Variants in SATB2 observed in about 807,000 individuals in gnomAD.
The protein encoded by SATB2 is SATB homeobox 2.
In SATB2, 1 loss-of-function variant was observed where a neutral mutation model predicts 73.4. The observed-to-expected ratio is 0.01, with a 90% CI of 0.00 to 0.06. The LOEUF is 0.06. SATB2 is among the 10% of genes least tolerant of loss of function. The pLI is 1.00. For missense variants in SATB2, 459 were observed against 945.8 expected, an observed-to-expected ratio of 0.49 and a Z score of 6.75; for synonymous variants, 397 against 367.0, an observed-to-expected ratio of 1.08 and a Z score of -0.93.
chr2:199,385,250 T>C (rs1331769824), intron 3 of SATB2, among the ~76,000 whole-genome samples: 1 of 152,156 alleles, frequency 6.6e-6, no homozygotes, highest in Non-Finnish European at 1.5e-5. Context: ...GCCTCCCACA[T>C]CAGCCTCCCA....
Position 199,272,193 on chromosome 2 carries a change from G to A in SATB2, c.*18C>T. 1 of 1,605,014 alleles carries A rather than the reference G, an allele frequency of 6.2e-7. No homozygotes were observed. ...AATCCTTGGACCGATGTATTGCTTTGCCTAGTAGAAGTTCACATTATCTCT... is the reference window on the plus strand; with the variant it reads ...AATCCTTGGACCGATGTATTGCTTTACCTAGTAGAAGTTCACATTATCTCT... On this transcript the variant is annotated 3_prime_UTR_variant, in exon 11 of 11. Coordinates refer to ENST00000417098, the MANE Select transcript of SATB2 (RefSeq NM_001172509.2). The surrounding 1 kb of genome is among the most constrained non-coding windows in gnomAD (Gnocchi z 6.7).
intron 3 of SATB2, among the ~76,000 whole-genome samples, chr2:199,418,254 A>G (rs558107747): frequency 6.6e-6 from 1 of 152,310 alleles, no homozygotes; most frequent in East Asian, 1.9e-4. Flanking sequence ...GGGAGCACCA[A>G]GATGAAAGGC....
intron 10 of SATB2, among the ~76,000 whole-genome samples, chr2:199,298,675 T>C (rs1687189826): frequency 6.6e-6 from 1 of 152,146 alleles, no homozygotes; most frequent in African/African-American, 2.4e-5. Flanking sequence ...CTATTTCAAC[T>C]GTTAATTACC....
chr2:199,349,505 C>G (rs970831908), intron 6 of SATB2, among the ~76,000 whole-genome samples: 1 of 152,162 alleles, frequency 6.6e-6, no homozygotes, highest in African/African-American at 2.4e-5. Flanking sequence ...TCTCCCCAAT[C>G]AACCTTTGTT....
intron 9 of SATB2, among the ~76,000 whole-genome samples, chr2:199,313,384 C>A (rs1034826807): frequency 6.6e-6 from 1 of 152,140 alleles, no homozygotes; most frequent in Non-Finnish European, 1.5e-5. Flanking sequence ...AAATCTGAAT[C>A]CAGAGAAGGA....
In SATB2 at chr2:199,308,961, T is replaced by G. The variant is rs10153730; in HGVS notation, c.1543-4A>C. On this transcript the variant is annotated splice_polypyrimidine_tract_variant and splice_region_variant and intron_variant, in intron 9 of 10. Transcript: ENST00000417098. This position sits in a 1 kb window ranked among gnomAD's most constrained non-coding sequence, Gnocchi z 4.6. The stretch of plus-strand genomic sequence containing the variant: ...GGAGCAGTTCACACAGCCAGCCCTG[T>G]AGAGAGAGGAGGTCGCTTGCATTAA... The G allele has an allele frequency of 0.99, 1,596,843 of 1,613,796 alleles. 791,486 individuals carry two copies. Among genetic ancestry groups the G allele is most frequent in the East Asian group, 1 (44,838 of 44,838 alleles).
intron 6 of SATB2, among the ~76,000 whole-genome samples, chr2:199,363,284 G>A (rs778866316): frequency 5.3e-5 from 8 of 152,216 alleles, no homozygotes; most frequent in Non-Finnish European, 1.0e-4. Flanking sequence ...AAACTGGTGA[G>A]ATAAAAGGTG....
intron 2 of SATB2, among the ~76,000 whole-genome samples, chr2:199,439,062 C>T (rs753196014): frequency 2.6e-5 from 4 of 152,240 alleles, no homozygotes; most frequent in Non-Finnish European, 4.4e-5. Context: ...GTGACCTGTA[C>T]TACTTGTAAG....
At chr2:199,351,980 C>T (rs535089318) in intron 6 of SATB2, among the ~76,000 whole-genome samples, 2 of 152,310 alleles carry the variant, frequency 1.3e-5, no homozygotes, top group East Asian at 1.9e-4. Flanking sequence ...AAGCTATTCT[C>T]GTGCTCAGCC....
At chr2:199,417,809 T>C (rs1691038959) in intron 3 of SATB2, among the ~76,000 whole-genome samples, 1 of 152,224 alleles carries the variant, frequency 6.6e-6, no homozygotes. Flanking sequence ...AGAAGCAATG[T>C]AGTGCAGAAC....
intron 3 of SATB2, among the ~76,000 whole-genome samples, chr2:199,384,112 A>G (rs1329291717): frequency 6.6e-6 from 1 of 152,238 alleles, no homozygotes; most frequent in African/African-American, 2.4e-5. Context: ...TACTGGAAAT[A>G]GAATCTCCAT....
At chr2:199,298,826 T>G (rs575618802) in intron 10 of SATB2, among the ~76,000 whole-genome samples, 1 of 152,334 alleles carries the variant, frequency 6.6e-6, no homozygotes, top group East Asian at 1.9e-4. Context: ...TCTTTTCTGT[T>G]TCTTCTGCAA....
chr2:199,408,479 A>T (rs1381217463), intron 3 of SATB2, among the ~76,000 whole-genome samples: 3 of 152,160 alleles, frequency 2.0e-5, no homozygotes, highest in Non-Finnish European at 4.4e-5. Flanking sequence ...GACCACAATG[A>T]GGTAATGAGA....
At chr2:199,416,829 G>A in intron 3 of SATB2, among the ~76,000 whole-genome samples, 1 of 152,102 alleles carries the variant, frequency 6.6e-6, no homozygotes, top group East Asian at 1.9e-4. Context: ...GAGGTCAGGA[G>A]ATCGAGACCA....
At chr2:199,428,192 C>G (rs1194074359) in intron 3 of SATB2, among the ~76,000 whole-genome samples, 1 of 152,164 alleles carries the variant, frequency 6.6e-6, no homozygotes, top group East Asian at 1.9e-4. Flanking sequence ...AATGCTCAAC[C>G]TACTATAGGC....
intron 10 of SATB2, among the ~76,000 whole-genome samples, chr2:199,282,177 G>A (rs748958975): frequency 2.6e-5 from 4 of 152,008 alleles, no homozygotes; most frequent in East Asian, 1.9e-4. Flanking sequence ...CACTGCGCCC[G>A]GCCCATATTC....
chr2:199,415,778 GGGGC>G (rs1690960294), intron 3 of SATB2, among the ~76,000 whole-genome samples: 2 of 152,264 alleles, frequency 1.3e-5, no homozygotes. Flanking sequence ...AGCTAGATCT[GGGGC>G]ACCTGCACTG....
At chr2:199,321,378 T>TATATATGTCTATATACAC (rs1390847297) in intron 9 of SATB2, among the ~76,000 whole-genome samples, 3 of 137,128 alleles carry the variant, frequency 2.2e-5, no homozygotes, top group South Asian at 4.5e-4. Flanking sequence ...TGTCTATACA[T>TATATATGTCTATATACAC]AGACATATAT....
At chr2:199,360,926 C>T (rs1689118575) in intron 6 of SATB2, among the ~76,000 whole-genome samples, 1 of 152,064 alleles carries the variant, frequency 6.6e-6, no homozygotes, top group African/African-American at 2.4e-5. Context: ...CCCTCCACTG[C>T]ACCCTTGATA....
Sources: gnomAD v4.1 joint callset for allele counts (sites outside exome capture counted in the v4.1 genomes callset) on GRCh38, gnomAD v4.1.1 for gene constraint, Gnocchi (gnomAD v3.1) non-coding constraint, MANE v1.5 for transcripts, NCBI Gene and HGNC (gene_info 2026-07-23, HGNC 2026-07-21) for gene names.